Variants in FOXO1 observed in about 807,000 individuals in gnomAD.
The protein encoded by FOXO1 is forkhead box protein O1.
FOXO1 carries 6 observed loss-of-function variants against 44.1 expected under a neutral mutation model. The ratio of observed to expected loss-of-function variants is 0.14; its 90% CI spans 0.07 to 0.27. The LOEUF is 0.27. FOXO1 is among the 10% of genes least tolerant of loss of function. FOXO1 has a pLI of 1.00. For synonymous variants in FOXO1, 380 were observed against 362.7 expected, an observed-to-expected ratio of 1.05 and a Z score of -0.54; for missense variants, 737 against 888.8, an observed-to-expected ratio of 0.83 and a Z score of 2.17.
chr13:40,628,658 T>C (rs1876865800), intron 1 of FOXO1, among the ~76,000 whole-genome samples: 1 of 152,192 alleles, frequency 6.6e-6, no homozygotes, highest in Non-Finnish European at 1.5e-5. Flanking sequence ...AGTTTCCTCA[T>C]CTGTGAAATG....
chr13:40,556,449 C>T lies in FOXO1; in HGVS notation c.*2600G>A, dbSNP rs1873753582. 6.6e-6 allele frequency: 1 copy of T among 152,530 alleles called. No homozygotes were observed. Among genetic ancestry groups the T allele is most frequent in the Non-Finnish European group, 1.5e-5 (1 of 68,022 alleles). 9.4% of individuals were successfully genotyped at this position (152,530 alleles called of 1,614,324 possible). A position where few individuals can be genotyped will look rare whatever the true frequency, so the allele number is the denominator to read the frequency against. ...ATACAATATGCTTTTAATAACAGTACAAACCAGAGAAAATAAATCAAACAA... is the reference window on the plus strand; with the variant it reads ...ATACAATATGCTTTTAATAACAGTATAAACCAGAGAAAATAAATCAAACAA... On this transcript the variant is annotated 3_prime_UTR_variant, in exon 3 of 3. Coordinates refer to ENST00000379561, the MANE Select transcript of FOXO1 (RefSeq NM_002015.4).
At chr13:40,641,253 C>T (rs1343354436) in intron 1 of FOXO1, among the ~76,000 whole-genome samples, 1 of 152,074 alleles carries the variant, frequency 6.6e-6, no homozygotes, top group Non-Finnish European at 1.5e-5. Flanking sequence ...GGTGAGGAAA[C>T]CACAGGCAAC....
chr13:40,643,952 A>G (rs1457235553), intron 1 of FOXO1, among the ~76,000 whole-genome samples: 2 of 152,190 alleles, frequency 1.3e-5, no homozygotes, highest in Non-Finnish European at 2.9e-5. Flanking sequence ...CTAAATAGGA[A>G]TTATCTGGTT....
chr13:40,645,297 T>A (rs7993233), intron 1 of FOXO1, among the ~76,000 whole-genome samples: 63,076 of 152,010 alleles, frequency 0.41, 14,377 homozygotes, highest in East Asian at 0.75. Context: ...ACCAGAACAC[T>A]ATGAAGGTAG....
At chr13:40,606,066 T>C (rs1875985743) in intron 1 of FOXO1, among the ~76,000 whole-genome samples, 1 of 152,166 alleles carries the variant, frequency 6.6e-6, no homozygotes. Flanking sequence ...GAATAACAAT[T>C]TTTCCAAATG....
chr13:40,576,774 C>T (rs540467114), intron 1 of FOXO1, among the ~76,000 whole-genome samples: 2 of 152,300 alleles, frequency 1.3e-5, no homozygotes, highest in African/African-American at 4.8e-5. Context: ...GATGCTGGGG[C>T]CAGGACCATT....
chr13:40,648,436 T>C (rs1279334517), intron 1 of FOXO1, among the ~76,000 whole-genome samples: 1 of 152,116 alleles, frequency 6.6e-6, no homozygotes, highest in Non-Finnish European at 1.5e-5. Flanking sequence ...AAAAAATAAA[T>C]CCAAATTAAA....
At position 40,637,429 on chromosome 13, in the gene FOXO1, G is replaced by A. The variant is rs1248754258; in HGVS notation, c.630+28154C>T. Among the ~76,000 whole-genome samples, 4 of 118,204 alleles carry A rather than the reference G, an allele frequency of 3.4e-5. No homozygotes were observed. In the East Asian group the frequency reaches 1.2e-3, roughly 34 times the overall value. 77.5% of individuals were successfully genotyped at this position (118,204 alleles called of 152,430 possible). ...ACTGCACTCCAGCCTGGGCAACAGAGTGAGACTCCATCACAAAAAAAAAAA... is the reference window on the plus strand; with the variant it reads ...ACTGCACTCCAGCCTGGGCAACAGAATGAGACTCCATCACAAAAAAAAAAA... On this transcript the variant is annotated intron_variant, in intron 1 of 2. Coordinates refer to ENST00000379561, the MANE Select transcript of FOXO1 (RefSeq NM_002015.4).
At chr13:40,565,651 G>T (rs377282919) in intron 1 of FOXO1, among the ~76,000 whole-genome samples, 1 of 152,150 alleles carries the variant, frequency 6.6e-6, no homozygotes, top group Admixed American at 6.5e-5. Flanking sequence ...CAACACCATA[G>T]GGGCACTCAA....
chr13:40,585,684 A>G (rs540863368), intron 1 of FOXO1, among the ~76,000 whole-genome samples: 2 of 152,292 alleles, frequency 1.3e-5, no homozygotes, highest in South Asian at 4.1e-4. Context: ...GGTGAGCCCT[A>G]CTCAGGTTAA....
intron 1 of FOXO1, among the ~76,000 whole-genome samples, chr13:40,614,443 T>C (rs1225071652): frequency 6.6e-6 from 1 of 152,198 alleles, no homozygotes; most frequent in Non-Finnish European, 1.5e-5. Flanking sequence ...CCTACAGGAC[T>C]CAAGGTCACT....
intron 1 of FOXO1, among the ~76,000 whole-genome samples, chr13:40,655,637 C>CCT (rs1555253529): frequency 9.9e-6 from 1 of 101,318 alleles, no homozygotes; most frequent in African/African-American, 4.1e-5. Flanking sequence ...TTCTACACTT[C>CCT]TTTTTTTTTT....
At chr13:40,634,735 A>G (rs1208600430) in intron 1 of FOXO1, among the ~76,000 whole-genome samples, 1 of 151,776 alleles carries the variant, frequency 6.6e-6, no homozygotes, top group African/African-American at 2.4e-5. Flanking sequence ...GCTGGAGCGC[A>G]GTGGCGCAAT....
At chr13:40,623,304 G>A (rs919634032) in intron 1 of FOXO1, among the ~76,000 whole-genome samples, 1 of 152,100 alleles carries the variant, frequency 6.6e-6, no homozygotes, top group African/African-American at 2.4e-5. Context: ...TCCGTGTGGG[G>A]CATTAGTTAT....
chr13:40,581,913 C>T (rs1478235072), intron 1 of FOXO1, among the ~76,000 whole-genome samples: 4 of 152,124 alleles, frequency 2.6e-5, no homozygotes, highest in South Asian at 2.1e-4. Flanking sequence ...AGCCAGGGTA[C>T]GGGCTTCTGG....
chr13:40,559,438 G>A lies in FOXO1; in HGVS notation c.*14+71C>T, dbSNP rs186583526. The A allele has an allele frequency of 5.2e-5, 72 of 1,372,490 alleles. No individual in the cohort carries two copies. The Middle Eastern group carries it at 8.3e-4, about 16-fold the overall frequency. The allele number at this position is 1,372,490 out of a possible 1,614,324, so 85.0% of individuals were successfully genotyped here. On this transcript the variant is annotated intron_variant, in intron 2 of 2. Transcript: ENST00000379561. ...TTGACATCAAAGATGTGCTAACCAT[G>A]GCAAGTTACTGTGTTCCTCGCTTTT... is the stretch of plus-strand genomic sequence containing the variant.
At chr13:40,640,451 G>A (rs955662010) in intron 1 of FOXO1, among the ~76,000 whole-genome samples, 12 of 152,186 alleles carry the variant, frequency 7.9e-5, no homozygotes, top group Admixed American at 4.6e-4. Context: ...GGGCGCTCCT[G>A]GGCGCTATTC....
intron 1 of FOXO1, among the ~76,000 whole-genome samples, chr13:40,584,217 A>G (rs547843237): frequency 6.6e-6 from 1 of 152,184 alleles, no homozygotes; most frequent in East Asian, 1.9e-4. Flanking sequence ...TCTAAAACTC[A>G]TCCCTTGAGA....
intron 1 of FOXO1, among the ~76,000 whole-genome samples, chr13:40,608,901 G>A (rs1876120504): frequency 6.6e-6 from 1 of 152,186 alleles, no homozygotes; most frequent in South Asian, 2.1e-4. Flanking sequence ...TCATATGATG[G>A]ATCCTAGAGA....
Sources: allele counts gnomAD v4.1 joint callset (sites outside exome capture counted in the v4.1 genomes callset), GRCh38; gene constraint gnomAD v4.1.1; transcripts MANE v1.5; gene names NCBI Gene and HGNC (gene_info 2026-07-23, HGNC 2026-07-21).